The following PALM2AKAP2 variants were observed in gnomAD, a reference collection of about 807,000 sequenced individuals.
PALM2AKAP2 encodes the protein PALM2 and AKAP2 fusion.
PALM2AKAP2 carries 37 observed loss-of-function variants against 71.5 expected under a neutral mutation model. That is an observed-to-expected ratio of 0.52 (90% confidence interval 0.40 to 0.68). The LOEUF (loss-of-function observed/expected upper bound fraction) is 0.68. Among genes scored for constraint, PALM2AKAP2 ranks in the 30% least tolerant of loss-of-function variants. The pLI is 0.00. For missense variants in PALM2AKAP2, 1,224 were observed against 1,191.8 expected (o/e 1.03, Z -0.40); for synonymous variants, 468 against 478.8 (o/e 0.98, Z 0.29).
chr9:109,913,306 A>G (rs764580987), intron 3 of PALM2AKAP2, among the ~76,000 whole-genome samples: 1 of 152,222 alleles, frequency 6.6e-6, no homozygotes, highest in Non-Finnish European at 1.5e-5. Flanking sequence ...ATACTTAGGC[A>G]TGTCTTGGCT....
At chr9:110,136,726 C>T (rs778441291) in exon 2 of PALM2AKAP2, 29 of 1,614,152 alleles carry the variant, frequency 1.8e-5, no homozygotes, top group Non-Finnish European at 2.5e-5. Context: ...GGTGTTCTTC[C>T]CGAGATGGAG....
At position 110,036,832 on chromosome 9, in the gene PALM2AKAP2, C is replaced by G. The variant is rs145556150; in HGVS notation, c.582+20793C>G. On this transcript the variant is annotated intron_variant, in intron 7 of 9. Coordinates refer to the PALM2AKAP2 transcript ENST00000302798. ...GTCCCCACACCTGCTGTTCCCTATG[C>G]TCGAATGCTTTTCCCCTTGATGTCT... 3.6e-3 allele frequency among the ~76,000 whole-genome samples: 546 copies of G among 152,174 alleles called. 3 individuals are homozygous for G. The highest frequency in any genetic ancestry group is 5.6e-3 in the Non-Finnish European group (384 of 67,998).
chr9:109,685,335 TTA>T (rs1323168801), intron 1 of PALM2AKAP2, among the ~76,000 whole-genome samples: 8 of 152,194 alleles, frequency 5.3e-5, no homozygotes, highest in Non-Finnish European at 1.2e-4. Flanking sequence ...AGCCGATTTT[TTA>T]CTTGCTGTAA....
intron 1 of PALM2AKAP2, among the ~76,000 whole-genome samples, chr9:109,860,974 G>A (rs905221275): frequency 1.3e-5 from 2 of 152,190 alleles, no homozygotes; most frequent in Non-Finnish European, 2.9e-5. Context: ...AGATTGCAAC[G>A]TTTACAATTT....
chr9:110,137,115 C>G lies in PALM2AKAP2; in HGVS notation c.1145C>G (p.Ser382Trp), dbSNP rs776882046. 5 of 1,613,364 alleles carry G rather than the reference C, an allele frequency of 3.1e-6. No individual in the cohort carries two copies. Among genetic ancestry groups the G allele is most frequent in the Non-Finnish European group, 4.2e-6 (5 of 1,179,762 alleles). The change falls in exon 2 of 4, where the codon TCG (serine) becomes TGG (tryptophan). Residue 382 changes from serine to tryptophan, a missense_variant. By Grantham distance (177) the Ser-to-Trp change is radical. Transcript: ENST00000374525. ...CAGCAGCAGCAGCAGCAGCCCCCAT[C>G]GCAGCTCTGCACAGCCCCTGCCTCT...
At chr9:109,930,380 C>T (rs1260071946) in intron 5 of PALM2AKAP2, among the ~76,000 whole-genome samples, 1 of 152,126 alleles carries the variant, frequency 6.6e-6, no homozygotes, top group African/African-American at 2.4e-5. Context: ...TGCATGCCAC[C>T]ATGCCCAGCT....
chr9:109,891,777 C>G (rs938618345), intron 3 of PALM2AKAP2, among the ~76,000 whole-genome samples: 1 of 152,070 alleles, frequency 6.6e-6, no homozygotes, highest in Non-Finnish European at 1.5e-5. Context: ...AGGTGTGAAT[C>G]CCCGTGCCTG....
At chr9:109,800,331 G>A (rs762751455) in intron 1 of PALM2AKAP2, among the ~76,000 whole-genome samples, 23 of 152,172 alleles carry the variant, frequency 1.5e-4, no homozygotes, top group East Asian at 7.7e-4. Flanking sequence ...AAATACTACC[G>A]CATTTAATGG....
At chr9:110,034,367 A>G (rs1291016149) in intron 7 of PALM2AKAP2, among the ~76,000 whole-genome samples, 2 of 152,026 alleles carry the variant, frequency 1.3e-5, no homozygotes, top group Non-Finnish European at 2.9e-5. Context: ...CATGTTGTTC[A>G]GGCTGGCCTC....
chr9:110,124,477 C>T (rs1394359387), intron 1 of PALM2AKAP2, among the ~76,000 whole-genome samples: 6 of 152,114 alleles, frequency 3.9e-5, no homozygotes, highest in African/African-American at 4.8e-5. Context: ...TAGTTCTGCC[C>T]GTAAGTTATG....
At chr9:109,646,528 T>C (rs1211280863) in intron 1 of PALM2AKAP2, among the ~76,000 whole-genome samples, 2 of 152,196 alleles carry the variant, frequency 1.3e-5, no homozygotes, top group Admixed American at 1.3e-4. Flanking sequence ...CCAGTGGTGA[T>C]CATGAAACAT....
chr9:109,653,036 A>G (rs1219535317), intron 1 of PALM2AKAP2, among the ~76,000 whole-genome samples: 1 of 152,256 alleles, frequency 6.6e-6, no homozygotes, highest in African/African-American at 2.4e-5. Context: ...TAAGTCATTT[A>G]CTTAAAAAAT....
intron 1 of PALM2AKAP2, among the ~76,000 whole-genome samples, chr9:110,098,167 G>T (rs142259136): frequency 4.0e-5 from 6 of 151,412 alleles, no homozygotes; most frequent in Admixed American, 2.0e-4. Flanking sequence ...GGGGAGAGGG[G>T]AGAGGGGAGA....
chr9:109,913,776 A>G (rs1336060834), intron 3 of PALM2AKAP2, among the ~76,000 whole-genome samples: 2 of 82,398 alleles, frequency 2.4e-5, no homozygotes, highest in South Asian at 3.9e-4. Flanking sequence ...TTTTTTTTTG[A>G]GACGGAGTCT....
chr9:109,996,600 G>A (rs527715401), intron 6 of PALM2AKAP2, among the ~76,000 whole-genome samples: 4 of 152,310 alleles, frequency 2.6e-5, no homozygotes, highest in South Asian at 2.1e-4. Flanking sequence ...TATACAGAAG[G>A]ATGTTTAAAA....
chr9:109,801,604 G>C (rs1344181110), intron 1 of PALM2AKAP2, among the ~76,000 whole-genome samples: 1 of 152,206 alleles, frequency 6.6e-6, no homozygotes, highest in African/African-American at 2.4e-5. Context: ...TTAGCCACAG[G>C]CCAGGGCTTT....
intron 1 of PALM2AKAP2, among the ~76,000 whole-genome samples, chr9:110,093,974 T>C (rs1834775654): frequency 1.3e-5 from 2 of 152,190 alleles, no homozygotes; most frequent in African/African-American, 4.8e-5. Context: ...CATTTGGCAA[T>C]GTTGGGATAC....
At chr9:109,794,507 C>T (rs893448556) in intron 1 of PALM2AKAP2, among the ~76,000 whole-genome samples, 1 of 151,492 alleles carries the variant, frequency 6.6e-6, no homozygotes, top group African/African-American at 2.4e-5. Context: ...AGAGAGCACA[C>T]CAGCCACATT....
At chr9:109,950,596 C>T (rs1831614036) in intron 6 of PALM2AKAP2, among the ~76,000 whole-genome samples, 1 of 152,206 alleles carries the variant, frequency 6.6e-6, no homozygotes, top group South Asian at 2.1e-4. Context: ...CATCATCCTT[C>T]CTCAGGATGA....
Sources: gnomAD v4.1 joint callset for allele counts (sites outside exome capture counted in the v4.1 genomes callset) on GRCh38, gnomAD v4.1.1 for gene constraint, MANE v1.5 for transcripts, NCBI Gene and HGNC (gene_info 2026-07-23, HGNC 2026-07-21) for gene names.